POLR1A: variants seen among roughly 807,000 people sequenced by gnomAD.
The protein encoded by POLR1A is DNA-directed RNA polymerase I subunit RPA1.
POLR1A carries 84 observed loss-of-function variants against 205.3 expected under a neutral mutation model. The observed-to-expected ratio is 0.41, with a 90% CI of 0.34 to 0.49. The LOEUF is 0.49. Among genes scored for constraint, POLR1A ranks in the 20% least tolerant of loss-of-function variants. The probability of loss-of-function intolerance (pLI) is 0.22; values close to 1 mark genes in which losing one functional copy is unlikely to be tolerated. For synonymous variants in POLR1A, 799 were observed against 863.7 expected, an observed-to-expected ratio of 0.93 and a Z score of 1.31; for missense variants, 1,645 against 2,204.5, an observed-to-expected ratio of 0.75 and a Z score of 5.08.
chr2:86,077,953 C>T lies in POLR1A; in HGVS notation c.1286G>A (p.Arg429Gln). The part of the protein sequence containing the change: ...QILEKKEGLF[R>Q]KHMMGKRVDY... ...CACTCGCTTTCCCATCATGTGTTTTCGGAACAGGCCTTCTTTCTTCTCCAG... is the reference window on the plus strand; with the variant it reads ...CACTCGCTTTCCCATCATGTGTTTTTGGAACAGGCCTTCTTTCTTCTCCAG... Residue 429 changes from arginine to glutamine, a missense_variant, in exon 11 of 34, where the codon CGA (arginine) becomes CAA (glutamine). Around this residue, in one of 16 missense-constraint regions of POLR1A, gnomAD observed 131 missense variants for 214.5 expected, o/e 0.61. Transcript: ENST00000263857. The T allele has an allele frequency of 6.2e-7, 1 of 1,614,046 alleles. No individual in the cohort carries two copies. The highest frequency in any genetic ancestry group is 8.5e-7 in the Non-Finnish European group (1 of 1,180,022).
At position 86,105,830 on chromosome 2, in the gene POLR1A, T is replaced by C. The variant is rs374587126; in HGVS notation, c.-54A>G. On this transcript the variant is annotated 5_prime_UTR_variant, in exon 1 of 34. Transcript: ENST00000263857. The stretch of plus-strand genomic sequence containing the variant: ...CCCAAGAGACGTTCCACTCACCACC[T>C]GACTATTCTTAATTCAACCTCAAGC... 18 of 1,438,584 alleles carry C rather than the reference T, an allele frequency of 1.3e-5. No homozygotes were observed. Among genetic ancestry groups the C allele is most frequent in the Non-Finnish European group, 1.7e-5 (17 of 1,023,290 alleles). The allele number at this position is 1,438,584 out of a possible 1,614,324, so 89.1% of individuals were successfully genotyped here. A position where few individuals can be genotyped will look rare whatever the true frequency, so the allele number is the denominator to read the frequency against.
intron 5 of POLR1A, 34 bp from the exon 6 acceptor site, chr2:86,088,703 A>T: frequency 6.2e-7 from 1 of 1,604,314 alleles, no homozygotes; most frequent in Non-Finnish European, 8.5e-7. Flanking sequence ...TGAAGAGAGA[A>T]AAAACCCAGT....
chr2:86,040,346 G>A (rs1156819377), intron 25 of POLR1A, 46 bp downstream of exon 25: 5 of 1,429,958 alleles, frequency 3.5e-6, no homozygotes, highest in Non-Finnish European at 4.6e-6. Flanking sequence ...CCTTCTCCAG[G>A]AGAGGCTAGG....
chr2:86,081,719 G>T lies in POLR1A; in HGVS notation c.818-13C>A, dbSNP rs762099013. The T allele has an allele frequency of 5.9e-6, 9 of 1,516,242 alleles. No homozygotes were observed. Among genetic ancestry groups the T allele is most frequent in the African/African-American group, 1.4e-5 (1 of 72,324 alleles). 93.9% of individuals were successfully genotyped at this position (1,516,242 alleles called of 1,614,324 possible). A position where few individuals can be genotyped will look rare whatever the true frequency, so the allele number is the denominator to read the frequency against. Reference sequence around the variant, plus strand: ...TTCAGAAAGAATCCTGCGTTGGAAAGAAATAAACCAAGAAGACCATTTAAA... The same window carrying T: ...TTCAGAAAGAATCCTGCGTTGGAAATAAATAAACCAAGAAGACCATTTAAA... On this transcript the variant is annotated splice_polypyrimidine_tract_variant and intron_variant, in intron 7 of 33. Transcript: ENST00000263857.
chr2:86,050,868 G>C (rs972448970), intron 16 of POLR1A, among the ~76,000 whole-genome samples: 2 of 152,316 alleles, frequency 1.3e-5, no homozygotes, highest in South Asian at 4.1e-4. Context: ...TTCCCAACTG[G>C]AAGTGGGTGA....
chr2:86,069,984 G>A (rs760694661), intron 13 of POLR1A, 34 bp downstream of exon 13: 10 of 1,597,200 alleles, frequency 6.3e-6, no homozygotes, highest in Admixed American at 3.4e-5. Flanking sequence ...TCATGCTGAC[G>A]ATGACCACGG....
chr2:86,053,279 A>T (rs1353486864), intron 15 of POLR1A, among the ~76,000 whole-genome samples: 1 of 149,038 alleles, frequency 6.7e-6, no homozygotes, highest in Non-Finnish European at 1.5e-5. Context: ...ACACACTCAC[A>T]CTCTCTCTCC....
chr2:86,077,821 A>G (rs763728755), intron 11 of POLR1A, 38 bp downstream of exon 11: 2,751 of 33,190 alleles, frequency 0.083, 44 homozygotes, highest in Middle Eastern at 0.12. Context: ...GCACACACAC[A>G]CACACACACA....
chr2:86,040,240 A>G lies in POLR1A; in HGVS notation c.3740+152T>C, dbSNP rs1235006893. The G allele has an allele frequency of 5.0e-6, 3 of 602,770 alleles. No homozygotes were observed. In the Admixed American group the frequency reaches 1.1e-4, roughly 23 times the overall value. 37.3% of individuals were successfully genotyped at this position (602,770 alleles called of 1,614,324 possible). A position where few individuals can be genotyped will look rare whatever the true frequency, so the allele number is the denominator to read the frequency against. On this transcript the variant is annotated intron_variant, in intron 25 of 33. Transcript: ENST00000263857. ...AACCAGCTGGGCTCTGGAAATTCTA[A>G]CCCTGATCCCCACTTTAATGAGACC...
chr2:86,103,864 T>C (rs143227339), intron 1 of POLR1A, among the ~76,000 whole-genome samples: 1 of 152,184 alleles, frequency 6.6e-6, no homozygotes, highest in East Asian at 1.9e-4. Context: ...GGTGTGTATG[T>C]TGGGTAGGGG....
intron 31 of POLR1A, 92 bp downstream of exon 31, chr2:86,030,104 C>T (rs551368981): frequency 1.1e-5 from 11 of 1,019,384 alleles, no homozygotes; most frequent in Non-Finnish European, 1.7e-5. Flanking sequence ...CAGAGTAAAT[C>T]GCGTAGAGCG....
At chr2:86,043,226 A>G (rs1271266273) in intron 22 of POLR1A, 31 bp from the exon 23 acceptor site, 3 of 1,545,508 alleles carry the variant, frequency 1.9e-6, no homozygotes, top group Non-Finnish European at 2.7e-6. Context: ...ACAAACAAAC[A>G]AATCACACAC....
intron 14 of POLR1A, among the ~76,000 whole-genome samples, chr2:86,056,160 A>G (rs1328162836): frequency 6.6e-6 from 1 of 152,108 alleles, no homozygotes; most frequent in African/African-American, 2.4e-5. Context: ...TGAAATTAAG[A>G]AAAAGTTCCG....
At position 86,036,486 on chromosome 2, in the gene POLR1A, A is replaced by G. The variant is rs375376529; in HGVS notation, c.4034+2214T>C. 9.2e-5 allele frequency among the ~76,000 whole-genome samples: 14 copies of G among 152,094 alleles called. No homozygotes were observed. The South Asian group carries it at 1.5e-3, about 16-fold the overall frequency. ...CTGGGAGAAGGGAGGGTGGGGGCAA[A>G]GAGAAAGAAAAAGAGGGTGGCAGAG... is the stretch of plus-strand genomic sequence containing the variant. On this transcript the variant is annotated intron_variant, in intron 27 of 33. Transcript: ENST00000263857.
chr2:86,072,612 C>T lies in POLR1A; in HGVS notation c.1612-2340G>A, dbSNP rs3770078. Among the ~76,000 whole-genome samples the T allele has an allele frequency of 5.9e-5, 9 of 152,340 alleles. No homozygotes were observed. In the East Asian group the frequency reaches 7.7e-4, roughly 13 times the overall value. On this transcript the variant is annotated intron_variant, in intron 12 of 33. Coordinates refer to ENST00000263857, the MANE Select transcript of POLR1A (RefSeq NM_015425.6). Reference sequence around the variant, plus strand: ...AAATAAATACTGCAGTGAAAATTAGCGTGCCCCAGTGCCCCAGGGTCAGAA... The same window carrying T: ...AAATAAATACTGCAGTGAAAATTAGTGTGCCCCAGTGCCCCAGGGTCAGAA...
At chr2:86,062,652 A>G (rs1361002038) in intron 14 of POLR1A, among the ~76,000 whole-genome samples, 1 of 149,876 alleles carries the variant, frequency 6.7e-6, no homozygotes, top group Non-Finnish European at 1.5e-5. Flanking sequence ...AAGAACTAGG[A>G]AAAAAAAAAG....
chr2:86,052,755 G>A (rs548209445), intron 16 of POLR1A, 62 bp downstream of exon 16: 2 of 1,335,954 alleles, frequency 1.5e-6, no homozygotes, highest in South Asian at 1.6e-5. Context: ...CCTGGGCCTG[G>A]GAGATGGCCA....
intron 19 of POLR1A, among the ~76,000 whole-genome samples, chr2:86,046,951 A>G (rs944648082): frequency 6.6e-6 from 1 of 152,244 alleles, no homozygotes; most frequent in Non-Finnish European, 1.5e-5. Flanking sequence ...TTTGTAATAT[A>G]TATCTACGTT....
intron 3 of POLR1A, among the ~76,000 whole-genome samples, chr2:86,095,076 G>A (rs1029000165): frequency 1.3e-5 from 2 of 152,218 alleles, no homozygotes; most frequent in African/African-American, 4.8e-5. Flanking sequence ...CTGCCCACAT[G>A]TGCAGGGATC....
Sources: gnomAD v4.1 joint callset for allele counts (sites outside exome capture counted in the v4.1 genomes callset) on GRCh38, gnomAD v4.1.1 for gene constraint, gnomAD v4.1.1 regional missense constraint, MANE v1.5 for transcripts, NCBI Gene and HGNC (gene_info 2026-07-23, HGNC 2026-07-21) for gene names.